ROCK1: variants seen among roughly 807,000 people sequenced by gnomAD.
ROCK1 encodes rho-associated protein kinase 1.
Under a neutral mutation model 196.8 loss-of-function variants are expected in ROCK1, and 36 were observed. That is an observed-to-expected ratio of 0.18 (90% CI 0.14 to 0.24). The LOEUF (loss-of-function observed/expected upper bound fraction) is 0.24, where lower values mean the gene tolerates loss of function less well. Ranked by LOEUF, ROCK1 falls within the 10% of genes least tolerant of loss-of-function variation. The probability of loss-of-function intolerance (pLI) is 1.00; values close to 1 mark genes in which losing one functional copy is unlikely to be tolerated. For synonymous variants in ROCK1, 443 were observed against 515.9 expected (o/e 0.86, Z 1.91); for missense variants, 920 against 1,562.0 (o/e 0.59, Z 6.93).
chr18:21,078,373 C>CACACAG (rs1491188980), intron 1 of ROCK1, among the ~76,000 whole-genome samples: 7,100 of 65,694 alleles, frequency 0.11, 302 homozygotes, highest in Admixed American at 0.21. Context: ...CACACACACA[C>CACACAG]AGAGAGAGAG....
rs368055407 is a variant in ROCK1, at chr18:21,032,506, G to GTTTTTTTTTTTT, written c.1052-3583_1052-3572dup. Among the ~76,000 whole-genome samples the GTTTTTTTTTTTT allele has an allele frequency of 1.5e-3, 190 of 129,218 alleles. 1 individual carries two copies. Among genetic ancestry groups the GTTTTTTTTTTTT allele is most frequent in the African/African-American group, 5.4e-3 (185 of 34,300 alleles). The allele number at this position is 129,218 out of a possible 152,430, so 84.8% of individuals were successfully genotyped here. A position where few individuals can be genotyped will look rare whatever the true frequency, so the allele number is the denominator to read the frequency against. On this transcript the variant is annotated intron_variant, in intron 9 of 32. Transcript: ENST00000399799. ...TATGACATAGAAAACAAATAGGAAA[G>GTTTTTTTTTTTT]TTTTTTTTTTTTTTTTTTGAGACAG... is the stretch of plus-strand genomic sequence containing the variant.
At position 20,950,239 on chromosome 18, in the gene ROCK1, T is replaced by C. The variant is rs1310226589; in HGVS notation, c.*1145A>G. On this transcript the variant is annotated 3_prime_UTR_variant, in exon 33 of 33. Coordinates refer to ENST00000399799, the MANE Select transcript of ROCK1 (RefSeq NM_005406.3). ...TCCTTTTTATGTTGGTGCAACCTTC[T>C]ACATTTTTTGCAGTTTTATAAAGTC... 1.2e-4 allele frequency: 18 copies of C among 152,420 alleles called. No homozygotes were observed. The highest frequency in any genetic ancestry group is 1.2e-3 in the Admixed American group (18 of 15,288). 9.4% of individuals were successfully genotyped at this position (152,420 alleles called of 1,614,324 possible).
At chr18:20,963,207 G>A (rs1163695957) in intron 27 of ROCK1, among the ~76,000 whole-genome samples, 1 of 152,014 alleles carries the variant, frequency 6.6e-6, no homozygotes, top group Non-Finnish European at 1.5e-5. Flanking sequence ...TAAGAAGTTA[G>A]ATGTATATTA....
At chr18:21,106,087 G>T (rs1171212628) in intron 1 of ROCK1, among the ~76,000 whole-genome samples, 1 of 152,130 alleles carries the variant, frequency 6.6e-6, no homozygotes, top group Non-Finnish European at 1.5e-5. Context: ...CACAGTGTTA[G>T]AACTCAACAG....
intron 31 of ROCK1, among the ~76,000 whole-genome samples, chr18:20,954,518 G>A (rs1381046616): frequency 7.2e-5 from 11 of 152,226 alleles, no homozygotes; most frequent in African/African-American, 2.7e-4. Context: ...AGAGGCTGCA[G>A]TGAGCTGAGA....
At chr18:21,092,935 A>C (rs1271019063) in intron 1 of ROCK1, among the ~76,000 whole-genome samples, 1 of 152,172 alleles carries the variant, frequency 6.6e-6, no homozygotes, top group Non-Finnish European at 1.5e-5. Flanking sequence ...GGCAATATTT[A>C]TTTTAATGTC....
At position 21,015,495 on chromosome 18, in the gene ROCK1, C is replaced by G; in HGVS notation, c.1362-16G>C. On this transcript the variant is annotated splice_polypyrimidine_tract_variant and intron_variant, in intron 12 of 32. Transcript: ENST00000399799. ...GTTTGAGGTTCTGTAAAAACAAAAGCAATACAGATTAGAAATATACGTATT... is the reference window on the plus strand; with the variant it reads ...GTTTGAGGTTCTGTAAAAACAAAAGGAATACAGATTAGAAATATACGTATT... 1 of 1,483,754 alleles carries G rather than the reference C, an allele frequency of 6.7e-7. No homozygotes were observed. The highest frequency in any genetic ancestry group is 9.4e-7 in the Non-Finnish European group (1 of 1,067,778). 91.9% of individuals were successfully genotyped at this position (1,483,754 alleles called of 1,614,324 possible).
chr18:21,091,890 A>G (rs539610169), intron 1 of ROCK1, among the ~76,000 whole-genome samples: 65 of 151,794 alleles, frequency 4.3e-4, no homozygotes, highest in Admixed American at 6.6e-4. Flanking sequence ...GGATCAGTTG[A>G]ACCGGGGGTG....
chr18:21,044,006 A>C (rs1598541196), intron 6 of ROCK1, 96 bp downstream of exon 6: 9 of 734,564 alleles, frequency 1.2e-5, no homozygotes, highest in Middle Eastern at 3.9e-4. Context: ...TGGTTAGTAA[A>C]TTCTTACACC....
intron 25 of ROCK1, 52 bp from the exon 26 acceptor site, chr18:20,967,992 C>T: frequency 1.5e-6 from 2 of 1,300,514 alleles, no homozygotes; most frequent in South Asian, 1.8e-5. Flanking sequence ...CAATTTAATA[C>T]TAAAATGTAT....
At chr18:21,067,383 C>CTTTTTT (rs373333472) in intron 2 of ROCK1, among the ~76,000 whole-genome samples, 1 of 125,320 alleles carries the variant, frequency 8.0e-6, no homozygotes, top group Non-Finnish European at 1.7e-5. Flanking sequence ...TCTTTTCACT[C>CTTTTTT]TTTTTTTTTT....
chr18:21,010,833 C>T (rs2035810692), intron 13 of ROCK1, among the ~76,000 whole-genome samples: 1 of 152,168 alleles, frequency 6.6e-6, no homozygotes, highest in South Asian at 2.1e-4. Context: ...GTCTTATCAA[C>T]TTTTGCTTCA....
At chr18:21,048,633 T>G (rs1222772923) in intron 4 of ROCK1, among the ~76,000 whole-genome samples, 1 of 152,150 alleles carries the variant, frequency 6.6e-6, no homozygotes, top group Non-Finnish European at 1.5e-5. Context: ...CACTATAGCC[T>G]CGACCTCCTG....
intron 1 of ROCK1, among the ~76,000 whole-genome samples, chr18:21,094,997 C>A (rs1395248193): frequency 1.3e-5 from 2 of 148,850 alleles, no homozygotes; most frequent in Non-Finnish European, 3.0e-5. Flanking sequence ...TTGCGGTGAG[C>A]CAAGACTGCG....
chr18:20,985,161 C>T (rs746591403), intron 19 of ROCK1, among the ~76,000 whole-genome samples: 2 of 151,864 alleles, frequency 1.3e-5, no homozygotes, highest in Admixed American at 6.6e-5. Flanking sequence ...TACCTGTCTA[C>T]GTGCTCTACT....
chr18:20,959,887 G>A lies in ROCK1; in HGVS notation c.3465C>T (p.Asp1155=), dbSNP rs1408922502. The change falls in exon 29 of 33, where the codon GAC becomes GAT. Residue 1155 remains aspartate, a synonymous_variant. Coordinates refer to ENST00000399799, the MANE Select transcript of ROCK1 (RefSeq NM_005406.3). ...VSSKKILFYN[D]EQDKEQSNPS... is the part of the protein sequence containing the mutation. The stretch of plus-strand genomic sequence containing the variant: ...GATTGGATTGCTCCTTATCTTGTTC[G>A]TCATTATAGAACAAAATTTTTTTGC... The A allele has an allele frequency of 8.1e-6, 13 of 1,610,910 alleles. No individual in the cohort carries two copies. The highest frequency in any genetic ancestry group is 6.7e-5 in the East Asian group (3 of 44,656).
rs2143304070 is a variant in ROCK1 at position 20,948,377 on chromosome 18, CA to C, written c.*3006del. On this transcript the variant is annotated 3_prime_UTR_variant, in exon 33 of 33. Transcript: ENST00000399799. ...GAGAAATACTGCTTGATCTCTACCT[CA>C]CTCTGAATTCCAGATTGATTATAGA... 1 of 151,712 alleles carries C rather than the reference CA, an allele frequency of 6.6e-6. No homozygotes were observed. The highest frequency in any genetic ancestry group is 1.9e-4 in the East Asian group (1 of 5,172). 9.4% of individuals were successfully genotyped at this position (151,712 alleles called of 1,614,324 possible).
chr18:20,955,131 C>T (rs1375451682), intron 30 of ROCK1, 36 bp downstream of exon 30: 2 of 1,526,574 alleles, frequency 1.3e-6, no homozygotes, highest in Admixed American at 4.6e-5. Context: ...ACGCTTAGGA[C>T]TTAGATTCTT....
chr18:21,072,848 AC>A (rs1197683048), intron 1 of ROCK1, among the ~76,000 whole-genome samples: 11 of 152,082 alleles, frequency 7.2e-5, no homozygotes, highest in Non-Finnish European at 1.5e-4. Context: ...AGGCAGGCGT[AC>A]TGCCTGAGAT....
Sources: allele counts gnomAD v4.1 joint callset (sites outside exome capture counted in the v4.1 genomes callset), GRCh38; gene constraint gnomAD v4.1.1; transcripts MANE v1.5; gene names NCBI Gene and HGNC (gene_info 2026-07-23, HGNC 2026-07-21).